The following FRMD3 variants were observed in gnomAD, a reference collection of about 807,000 sequenced individuals.
FRMD3 encodes the protein FERM domain containing 3, also known as FERM domain-containing protein 3.
Under a neutral mutation model 70.2 loss-of-function variants are expected in FRMD3, and 33 were observed. That is an observed-to-expected ratio of 0.47 (90% confidence interval 0.36 to 0.63). FRMD3 has a LOEUF of 0.63. FRMD3 is among the 20% of genes least tolerant of loss of function. FRMD3 has a pLI of 0.00. For missense variants in FRMD3, 632 were observed against 711.4 expected (o/e 0.89, Z 1.27); for synonymous variants, 279 against 255.9 (o/e 1.09, Z -0.86).
intron 1 of FRMD3, among the ~76,000 whole-genome samples, chr9:83,450,549 C>T (rs1827625023): frequency 6.6e-6 from 1 of 151,944 alleles, no homozygotes; most frequent in South Asian, 2.1e-4. Flanking sequence ...GCCCAAAAGG[C>T]AGTGAAAGGC....
chr9:83,413,246 C>T (rs1001845208), intron 1 of FRMD3, among the ~76,000 whole-genome samples: 1 of 152,126 alleles, frequency 6.6e-6, no homozygotes, highest in Non-Finnish European at 1.5e-5. Flanking sequence ...CTCTCAAAAT[C>T]AGGTAGGCTC....
intron 1 of FRMD3, among the ~76,000 whole-genome samples, chr9:83,458,683 T>G (rs1316778420): frequency 6.6e-6 from 1 of 152,014 alleles, no homozygotes; most frequent in African/African-American, 2.4e-5. Flanking sequence ...GCAAGGAGAT[T>G]CAGAAAACAA....
rs570157338 is a variant in FRMD3, at chr9:83,470,367, A to G, written c.147+67718T>C. ...TGCAGTCCTCACCCTGCCATTTTCTATATAAGCTTAGACAAGTTCCCTAAC... is the reference window on the plus strand; with the variant it reads ...TGCAGTCCTCACCCTGCCATTTTCTGTATAAGCTTAGACAAGTTCCCTAAC... On this transcript the variant is annotated intron_variant, in intron 1 of 13. Coordinates refer to ENST00000304195, the MANE Select transcript of FRMD3 (RefSeq NM_174938.6). Among the ~76,000 whole-genome samples, 3 of 152,316 alleles carry G rather than the reference A, an allele frequency of 2.0e-5. No individual in the cohort carries two copies. The South Asian group carries it at 6.2e-4, about 32-fold the overall frequency.
rs1564032633 is a variant in FRMD3, at chr9:83,357,249, ATAT to A, written c.296-7495_296-7493del. ...TTTTATATATATATAATACATACAT[ATAT>A]ATATATATATATATATATATATATA... On this transcript the variant is annotated intron_variant, in intron 3 of 13. Transcript: ENST00000304195. Among the ~76,000 whole-genome samples the A allele has an allele frequency of 3.5e-3, 12 of 3,462 alleles. 2 individuals carry two copies. The highest frequency in any genetic ancestry group is 0.015 in the African/African-American group (12 of 790). 2.3% of individuals were successfully genotyped at this position (3,462 alleles called of 152,430 possible). A position where few individuals can be genotyped will look rare whatever the true frequency, so the allele number is the denominator to read the frequency against.
intron 1 of FRMD3, among the ~76,000 whole-genome samples, chr9:83,417,181 A>T (rs1313756381): frequency 6.6e-6 from 1 of 152,202 alleles, no homozygotes; most frequent in Non-Finnish European, 1.5e-5. Context: ...CTTGACCACA[A>T]CCCACAGTAG....
chr9:83,391,431 C>A (rs1825662196), intron 1 of FRMD3, among the ~76,000 whole-genome samples: 1 of 152,138 alleles, frequency 6.6e-6, no homozygotes, highest in African/African-American at 2.4e-5. Flanking sequence ...AGGAGCTCAT[C>A]ATTTTATGAT....
intron 1 of FRMD3, among the ~76,000 whole-genome samples, chr9:83,419,299 G>T (rs980612831): frequency 6.6e-6 from 1 of 152,054 alleles, no homozygotes; most frequent in Non-Finnish European, 1.5e-5. Flanking sequence ...TTTTTTAAAG[G>T]TTTGCCCAAA....
chr9:83,374,394 CAT>C (rs1825078104), intron 2 of FRMD3, among the ~76,000 whole-genome samples: 1 of 80,436 alleles, frequency 1.2e-5, no homozygotes, highest in Non-Finnish European at 2.8e-5. Flanking sequence ...CACAAAAAAA[CAT>C]ATATTTACCC....
intron 13 of FRMD3, among the ~76,000 whole-genome samples, chr9:83,259,266 G>C (rs920447533): frequency 6.6e-6 from 1 of 152,134 alleles, no homozygotes; most frequent in African/African-American, 2.4e-5. Context: ...TAAACAAAAA[G>C]CATTTGGGGT....
intron 1 of FRMD3, among the ~76,000 whole-genome samples, chr9:83,492,721 T>C (rs1465806538): frequency 6.6e-6 from 1 of 152,180 alleles, no homozygotes; most frequent in African/African-American, 2.4e-5. Context: ...TGTGTCCACC[T>C]CGACCCAGTT....
chr9:83,425,933 C>T lies in FRMD3; in HGVS notation c.148-36225G>A, dbSNP rs544904276. Among the ~76,000 whole-genome samples the T allele has an allele frequency of 7.6e-5, 11 of 144,568 alleles. No individual in the cohort carries two copies. The South Asian group carries it at 1.8e-3, about 23-fold the overall frequency. 94.8% of individuals were successfully genotyped at this position (144,568 alleles called of 152,430 possible). A position where few individuals can be genotyped will look rare whatever the true frequency, so the allele number is the denominator to read the frequency against. ...AAAAAAAAAAAAAAAAAAAAACAAC[C>T]TTCCTGGCCCTTGCGTGGAGAACAG... is the stretch of plus-strand genomic sequence containing the variant. On this transcript the variant is annotated intron_variant, in intron 1 of 13. Coordinates refer to ENST00000304195, the MANE Select transcript of FRMD3 (RefSeq NM_174938.6).
chr9:83,513,753 C>G (rs1484466034), intron 1 of FRMD3, among the ~76,000 whole-genome samples: 1 of 152,156 alleles, frequency 6.6e-6, no homozygotes, highest in Non-Finnish European at 1.5e-5. Flanking sequence ...ACATTTCCAA[C>G]TGAGGTACCC....
At chr9:83,307,735 G>A (rs1046387006) in intron 10 of FRMD3, among the ~76,000 whole-genome samples, 1 of 152,034 alleles carries the variant, frequency 6.6e-6, no homozygotes, top group African/African-American at 2.4e-5. Context: ...AGTGATAATG[G>A]CTATATCACT....
At chr9:83,458,491 T>G (rs1235011575) in intron 1 of FRMD3, among the ~76,000 whole-genome samples, 1 of 152,152 alleles carries the variant, frequency 6.6e-6, no homozygotes, top group Non-Finnish European at 1.5e-5. Flanking sequence ...GACAAGAAAT[T>G]TACTCAGCTC....
intron 1 of FRMD3, among the ~76,000 whole-genome samples, chr9:83,414,350 C>A (rs567478410): frequency 6.6e-6 from 1 of 151,972 alleles, no homozygotes; most frequent in Non-Finnish European, 1.5e-5. Flanking sequence ...GATAGATCAT[C>A]GACATCAATG....
chr9:83,418,547 C>T (rs1251763883), intron 1 of FRMD3, among the ~76,000 whole-genome samples: 5 of 152,290 alleles, frequency 3.3e-5, no homozygotes, highest in Middle Eastern at 3.4e-3. Context: ...CACTAATCAT[C>T]AGGGAATGCA....
At chr9:83,357,256 TATA>T (rs1824411483) in intron 3 of FRMD3, among the ~76,000 whole-genome samples, 3 of 43,374 alleles carry the variant, frequency 6.9e-5, no homozygotes, top group African/African-American at 4.9e-4. Context: ...CATATATATA[TATA>T]TATATATATA....
Position 83,347,932 on chromosome 9 carries a change from T to G in FRMD3, c.374+1747A>C, listed in dbSNP as rs569464414. Among the ~76,000 whole-genome samples the G allele has an allele frequency of 3.8e-4, 58 of 152,328 alleles. 1 individual carries two copies. The highest frequency in any genetic ancestry group is 1.3e-4 in the Non-Finnish European group (9 of 68,026). On this transcript the variant is annotated intron_variant, in intron 4 of 13. Transcript: ENST00000304195. ...TTTGGAAACTCAAAGGGTCACGATA[T>G]TCCACTATTCATACCTGAGCTATTT... is the stretch of plus-strand genomic sequence containing the variant.
At chr9:83,373,940 T>C (rs1378166555) in intron 2 of FRMD3, among the ~76,000 whole-genome samples, 2 of 152,210 alleles carry the variant, frequency 1.3e-5, no homozygotes, top group African/African-American at 4.8e-5. Flanking sequence ...GTGTTATCCA[T>C]ATTCTTTGAT....
Sources: allele counts gnomAD v4.1 joint callset (sites outside exome capture counted in the v4.1 genomes callset), GRCh38; gene constraint gnomAD v4.1.1; transcripts MANE v1.5; gene names NCBI Gene and HGNC (gene_info 2026-07-23, HGNC 2026-07-21).